The following PHF20 variants were observed in gnomAD, a reference collection of about 807,000 sequenced individuals.
PHF20 encodes the protein glioma-expressed antigen 2.
A neutral mutation model predicts 113.5 loss-of-function variants in PHF20; 23 were observed. That is an observed-to-expected ratio of 0.20 (90% CI 0.15 to 0.29). PHF20 has a LOEUF of 0.29. Ranked by LOEUF, PHF20 falls within the 10% of genes least tolerant of loss-of-function variation. PHF20 has a pLI of 1.00. For missense variants in PHF20, 943 were observed against 1,219.6 expected (o/e 0.77, Z 3.38); for synonymous variants, 434 against 457.3 (o/e 0.95, Z 0.65).
intron 10 of PHF20, among the ~76,000 whole-genome samples, chr20:35,906,104 A>G (rs1298290699): frequency 1.3e-5 from 2 of 152,180 alleles, no homozygotes; most frequent in Non-Finnish European, 2.9e-5. Flanking sequence ...GCTTATTATT[A>G]CTTATTGCTA....
intron 1 of PHF20, among the ~76,000 whole-genome samples, chr20:35,794,018 G>A (rs796741367): frequency 0.073 from 6,004 of 82,554 alleles, 190 homozygotes; most frequent in African/African-American, 0.15. Context: ...AAAAAAAAAA[G>A]GCCAGGCGCG....
At chr20:35,888,737 T>C (rs539871357) in intron 9 of PHF20, among the ~76,000 whole-genome samples, 7 of 151,210 alleles carry the variant, frequency 4.6e-5, no homozygotes, top group African/African-American at 1.7e-4. Context: ...TTGGGCAACA[T>C]AGGGAGACCC....
intron 3 of PHF20, among the ~76,000 whole-genome samples, chr20:35,844,458 C>A (rs1225566818): frequency 1.1e-5 from 1 of 91,582 alleles, no homozygotes; most frequent in African/African-American, 4.3e-5. Context: ...TTTATTTTTG[C>A]TTTCTTGCCA....
intron 9 of PHF20, among the ~76,000 whole-genome samples, chr20:35,879,638 C>T (rs1360220589): frequency 3.3e-5 from 5 of 151,856 alleles, no homozygotes; most frequent in Non-Finnish European, 7.4e-5. Flanking sequence ...TGAAATTCTC[C>T]TGTCTAACCT....
At chr20:35,831,575 C>T (rs765586066) in intron 2 of PHF20, among the ~76,000 whole-genome samples, 4 of 152,164 alleles carry the variant, frequency 2.6e-5, no homozygotes, top group Non-Finnish European at 4.4e-5. Context: ...AGTGATCCCC[C>T]AACTCCAACC....
chr20:35,800,453 T>C (rs1569125378), intron 1 of PHF20, among the ~76,000 whole-genome samples: 1 of 151,652 alleles, frequency 6.6e-6, no homozygotes. Context: ...AAAAAAGAAG[T>C]AGGAAATATA....
At chr20:35,812,322 C>T (rs1021985181) in intron 2 of PHF20, among the ~76,000 whole-genome samples, 2 of 151,958 alleles carry the variant, frequency 1.3e-5, no homozygotes, top group Non-Finnish European at 2.9e-5. Context: ...GCTTTGATTC[C>T]ATGATAATCT....
rs73618548 is a variant in PHF20, at chr20:35,917,749, T to G, written c.2004+87T>G. ...TGAGGCCAGCAACAATGGCAAGTCA[T>G]AGCAGAGCCCCAGAAACACAGCACG... On this transcript the variant is annotated intron_variant, in intron 13 of 17. Coordinates refer to ENST00000374012, the MANE Select transcript of PHF20 (RefSeq NM_016436.5). The G allele has an allele frequency of 3.8e-3, 4,320 of 1,145,582 alleles. 69 individuals are homozygous for G. The East Asian group carries it at 0.041, about 11-fold the overall frequency. The allele number at this position is 1,145,582 out of a possible 1,614,324, so 71.0% of individuals were successfully genotyped here.
At chr20:35,850,296 G>GTTTTTTTTTTTTGTTTTTTTTTT (rs2042696353) in intron 4 of PHF20, among the ~76,000 whole-genome samples, 1 of 62,322 alleles carries the variant, frequency 1.6e-5, no homozygotes, top group African/African-American at 5.7e-5. Context: ...TTCCCCCTCC[G>GTTTTTTTTTTTTGTTTTTTTTTT]TTTTTTTTTT....
chr20:35,942,388 T>C (rs1450766959), intron 17 of PHF20, among the ~76,000 whole-genome samples: 3 of 152,192 alleles, frequency 2.0e-5, no homozygotes, highest in African/African-American at 7.2e-5. Context: ...AGAATGGCAG[T>C]AGGAGTGGCT....
At chr20:35,851,018 T>C (rs760478208) in intron 4 of PHF20, 8 of 363,986 alleles carry the variant, frequency 2.2e-5, no homozygotes, top group Non-Finnish European at 4.2e-5. Context: ...GGTCTGGAAC[T>C]CCTGACCTCA....
chr20:35,851,050 T>C lies in PHF20; in HGVS notation c.340+3616T>C. 4 of 346,684 alleles carry C rather than the reference T, an allele frequency of 1.2e-5. No individual in the cohort carries two copies. In the South Asian group the frequency reaches 1.3e-4, roughly 12 times the overall value. The allele number at this position is 346,684 out of a possible 1,614,324, so 21.5% of individuals were successfully genotyped here. ...CTCAAATGATCCACCCGCCTCAGCC[T>C]CCCGAATCTCCCCTTTTTTTCACAC... On this transcript the variant is annotated intron_variant, in intron 4 of 17. Transcript: ENST00000374012.
chr20:35,865,041 A>G (rs1002839006), intron 6 of PHF20, among the ~76,000 whole-genome samples: 3 of 151,692 alleles, frequency 2.0e-5, no homozygotes, highest in Admixed American at 1.3e-4. Context: ...TATAAAGACA[A>G]ATTAGCCAGG....
chr20:35,873,457 T>G (rs1416286294), intron 9 of PHF20, among the ~76,000 whole-genome samples: 9 of 137,376 alleles, frequency 6.6e-5, no homozygotes, highest in African/African-American at 2.6e-4. Context: ...GTGTTTTGTC[T>G]GTTTTTTTGT....
At chr20:35,808,351 G>A (rs1218455869) in intron 2 of PHF20, among the ~76,000 whole-genome samples, 1 of 151,840 alleles carries the variant, frequency 6.6e-6, no homozygotes, top group Non-Finnish European at 1.5e-5. Context: ...ATAGTTTGTT[G>A]TTTGACTTTA....
chr20:35,947,198 A>C (rs760868629), intron 17 of PHF20, among the ~76,000 whole-genome samples: 3 of 152,330 alleles, frequency 2.0e-5, no homozygotes, highest in Middle Eastern at 3.4e-3. Context: ...GCTAGTGGCT[A>C]CTGTATTGGA....
In PHF20 at chr20:35,899,387, A is replaced by G. The variant is rs1180566858; in HGVS notation, c.1300A>G (p.Lys434Glu). 1.9e-6 allele frequency: 3 copies of G among 1,605,664 alleles called. No individual in the cohort carries two copies. The African/African-American group carries it at 4.0e-5, about 22-fold the overall frequency. Residue 434 changes from lysine (K) to glutamate (E), a missense_variant, in exon 10 of 18, where the codon AAA becomes GAA. Coordinates refer to ENST00000374012, the MANE Select transcript of PHF20 (RefSeq NM_016436.5). Reference protein sequence around the residue: ...STVEVTNTFKKTDDFGSSNAP... With the variant: ...STVEVTNTFKETDDFGSSNAP... ...TTTTTCAGTAACAAATACTTTTAAG[A>G]AAACAGATGATTTTGGGTCATCTAA...
intron 2 of PHF20, among the ~76,000 whole-genome samples, chr20:35,819,700 T>G (rs1028474989): frequency 2.6e-5 from 4 of 152,004 alleles, no homozygotes; most frequent in Non-Finnish European, 4.4e-5. Context: ...TTTTCTGAGC[T>G]TTCCACAAAC....
chr20:35,910,642 C>T (rs528379564), intron 10 of PHF20, among the ~76,000 whole-genome samples: 1 of 151,766 alleles, frequency 6.6e-6, no homozygotes, highest in East Asian at 1.9e-4. Flanking sequence ...CTTTTTTCTT[C>T]CCCCCCGAGA....
Sources: gnomAD v4.1 joint callset for allele counts (sites outside exome capture counted in the v4.1 genomes callset) on GRCh38, gnomAD v4.1.1 for gene constraint, MANE v1.5 for transcripts, NCBI Gene and HGNC (gene_info 2026-07-23, HGNC 2026-07-21) for gene names.